The following RBMS3 variants were observed in gnomAD, a reference collection of about 807,000 sequenced individuals.
The protein encoded by RBMS3 is RNA-binding motif, single-stranded-interacting protein 3.
Under a neutral mutation model 66.8 loss-of-function variants are expected in RBMS3, and 27 were observed. That is an observed-to-expected ratio of 0.40 (90% CI 0.30 to 0.56). RBMS3 has a LOEUF of 0.56. RBMS3 is among the 20% of genes least tolerant of loss of function. RBMS3 has a pLI of 0.40. For missense variants in RBMS3, 513 were observed against 549.5 expected, an observed-to-expected ratio of 0.93 and a Z score of 0.66; for synonymous variants, 188 against 183.0, an observed-to-expected ratio of 1.03 and a Z score of -0.22.
chr3:29,313,419 A>G (rs1045224498), intron 1 of RBMS3, among the ~76,000 whole-genome samples: 19 of 151,752 alleles, frequency 1.3e-4, no homozygotes, highest in African/African-American at 4.6e-4. Flanking sequence ...TTGCATGTCC[A>G]TGGGCATGAA....
At chr3:29,582,203 C>T (rs1454683935) in intron 3 of RBMS3, among the ~76,000 whole-genome samples, 10 of 145,900 alleles carry the variant, frequency 6.9e-5, no homozygotes, top group Non-Finnish European at 1.4e-4. Flanking sequence ...GATACACACA[C>T]ACATACATAC....
At chr3:29,965,365 T>C (rs1257779239) in intron 12 of RBMS3, among the ~76,000 whole-genome samples, 1 of 152,140 alleles carries the variant, frequency 6.6e-6, no homozygotes, top group Non-Finnish European at 1.5e-5. Flanking sequence ...GTTCCCTGAT[T>C]ACTGCACCCA....
intron 1 of RBMS3, among the ~76,000 whole-genome samples, chr3:29,321,834 G>A (rs1283317340): frequency 1.3e-5 from 2 of 152,038 alleles, no homozygotes; most frequent in Non-Finnish European, 2.9e-5. Flanking sequence ...CTGAGTTATG[G>A]GCACACTCGT....
At chr3:29,419,776 T>A (rs1352218421) in intron 1 of RBMS3, among the ~76,000 whole-genome samples, 4 of 152,194 alleles carry the variant, frequency 2.6e-5, no homozygotes, top group African/African-American at 9.6e-5. Flanking sequence ...ATATGTAAGT[T>A]TGTGTGTAAA....
At chr3:29,503,119 A>T (rs2053287) in intron 3 of RBMS3, among the ~76,000 whole-genome samples, 20,037 of 152,068 alleles carry the variant, frequency 0.13, 1,959 homozygotes, top group African/African-American at 0.27. Context: ...AGATAAACAA[A>T]CATTTTCTAT....
At chr3:29,443,494 CTA>C (rs1447741527) in intron 2 of RBMS3, among the ~76,000 whole-genome samples, 4 of 152,116 alleles carry the variant, frequency 2.6e-5, no homozygotes, top group Non-Finnish European at 5.9e-5. Flanking sequence ...TTACTCTAGA[CTA>C]TGTGTTCTCT....
At chr3:29,642,181 T>A (rs2049743324) in intron 4 of RBMS3, among the ~76,000 whole-genome samples, 1 of 152,004 alleles carries the variant, frequency 6.6e-6, no homozygotes, top group Non-Finnish European at 1.5e-5. Flanking sequence ...TGACCCTGGG[T>A]GAAGTGAATG....
Position 29,867,591 on chromosome 3 carries a change from T to G in RBMS3, c.638-1267T>G, listed in dbSNP as rs141441466. Among the ~76,000 whole-genome samples, 3 of 149,352 alleles carry G rather than the reference T, an allele frequency of 2.0e-5. No individual in the cohort carries two copies. In the East Asian group the frequency reaches 6.0e-4, roughly 30 times the overall value. ...CCTCCAGCAGGCTAACCTGGGCATG[T>G]TCACATATCCATGCAGAGGAGCAAA... On this transcript the variant is annotated intron_variant, in intron 6 of 14. Transcript: ENST00000383767.
At chr3:29,587,053 C>A in intron 3 of RBMS3, 61 bp from the exon 4 acceptor site, 1 of 1,268,794 alleles carries the variant, frequency 7.9e-7, no homozygotes, top group Non-Finnish European at 1.1e-6. Flanking sequence ...TGTACTTCAT[C>A]AGTGAAGATA....
chr3:29,380,562 T>C (rs956966611), intron 1 of RBMS3, among the ~76,000 whole-genome samples: 1 of 152,352 alleles, frequency 6.6e-6, no homozygotes, highest in South Asian at 2.1e-4. Context: ...AGGTAAGTAT[T>C]GTTTTGTTAC....
chr3:29,860,582 T>G (rs1234576921), intron 6 of RBMS3, among the ~76,000 whole-genome samples: 1 of 152,210 alleles, frequency 6.6e-6, no homozygotes, highest in Non-Finnish European at 1.5e-5. Flanking sequence ...ATGTCTCTAT[T>G]ATAGCAGCCA....
chr3:29,470,777 G>A (rs2042697503), intron 2 of RBMS3, among the ~76,000 whole-genome samples: 1 of 152,028 alleles, frequency 6.6e-6, no homozygotes, highest in African/African-American at 2.4e-5. Context: ...TAAATGAATT[G>A]TCACTTATAT....
At chr3:29,942,486 G>T (rs1370381614) in intron 11 of RBMS3, among the ~76,000 whole-genome samples, 1 of 151,812 alleles carries the variant, frequency 6.6e-6, no homozygotes, top group Non-Finnish European at 1.5e-5. Flanking sequence ...TTGTGCCACT[G>T]CACTTCAGCC....
intron 4 of RBMS3, among the ~76,000 whole-genome samples, chr3:29,667,894 CT>C (rs1207161917): frequency 6.6e-6 from 1 of 151,958 alleles, no homozygotes; most frequent in African/African-American, 2.4e-5. Flanking sequence ...CAAAATAATT[CT>C]TTTTTATCAT....
chr3:29,746,573 C>T (rs2054903361), intron 5 of RBMS3, among the ~76,000 whole-genome samples: 1 of 152,082 alleles, frequency 6.6e-6, no homozygotes, highest in Non-Finnish European at 1.5e-5. Context: ...CATCTTTGTT[C>T]TTCTTTTGTG....
At chr3:29,291,578 TAGGCAAG>T (rs1002735320) in intron 1 of RBMS3, among the ~76,000 whole-genome samples, 1 of 151,720 alleles carries the variant, frequency 6.6e-6, no homozygotes, top group Non-Finnish European at 1.5e-5. Context: ...CTTAGGGGAG[TAGGCAAG>T]AGGCAAATCA....
intron 10 of RBMS3, among the ~76,000 whole-genome samples, chr3:29,921,269 G>A (rs1479524399): frequency 6.6e-6 from 1 of 151,890 alleles, no homozygotes; most frequent in Non-Finnish European, 1.5e-5. Flanking sequence ...TCTCCATGTT[G>A]ACCAGGCTGG....
intron 3 of RBMS3, among the ~76,000 whole-genome samples, chr3:29,578,359 T>C (rs1482071960): frequency 6.6e-6 from 1 of 152,036 alleles, no homozygotes; most frequent in Non-Finnish European, 1.5e-5. Context: ...CATATATACA[T>C]ATAAGTGCTT....
In RBMS3 at chr3:29,757,616, C is replaced by A. The variant is rs555065892; in HGVS notation, c.558-5294C>A. On this transcript the variant is annotated intron_variant, in intron 5 of 14. Transcript: ENST00000383767. The stretch of plus-strand genomic sequence containing the variant: ...AAGTCAGAATCTCCTGGGCTGGGCC[C>A]CAGAGATTGGTATTTTTAAAAGTAG... Among the ~76,000 whole-genome samples, 16 of 152,156 alleles carry A rather than the reference C, an allele frequency of 1.1e-4. No individual in the cohort carries two copies. In the South Asian group the frequency reaches 3.3e-3, roughly 32 times the overall value.
Sources: allele counts gnomAD v4.1 joint callset (sites outside exome capture counted in the v4.1 genomes callset), GRCh38; gene constraint gnomAD v4.1.1; transcripts MANE v1.5; gene names NCBI Gene and HGNC (gene_info 2026-07-23, HGNC 2026-07-21).